Variants in SYNJ2 observed in about 807,000 individuals in gnomAD.
SYNJ2 encodes polyphosphatidylinositol phosphatase SYNJ2.
SYNJ2 carries 116 observed loss-of-function variants against 141.3 expected under a neutral mutation model. That is an observed-to-expected ratio of 0.82 (90% CI 0.71 to 0.96). The LOEUF is 0.96. Ranked by LOEUF, SYNJ2 falls within the 40% of genes least tolerant of loss-of-function variation. SYNJ2 has a pLI of 0.00. For missense variants in SYNJ2, 1,873 were observed against 1,934.8 expected, an observed-to-expected ratio of 0.97 and a Z score of 0.60; for synonymous variants, 745 against 777.7, an observed-to-expected ratio of 0.96 and a Z score of 0.70.
At position 158,074,758 on chromosome 6, in the gene SYNJ2, C is replaced by T. The variant is rs775644283; in HGVS notation, c.2292+20C>T. The T allele has an allele frequency of 1.9e-6, 3 of 1,609,516 alleles. No individual in the cohort carries two copies. The highest frequency in any genetic ancestry group is 2.2e-5 in the East Asian group (1 of 44,834). Reference sequence around the variant, plus strand: ...GGAAAAGTAAGTTGTGCTTTAAAAACATTTTTTAGCAGCTGCTCCAAGATG... The same window carrying T: ...GGAAAAGTAAGTTGTGCTTTAAAAATATTTTTTAGCAGCTGCTCCAAGATG... On this transcript the variant is annotated intron_variant, in intron 16 of 26. Coordinates refer to ENST00000355585, the MANE Select transcript of SYNJ2 (RefSeq NM_003898.4).
chr6:158,077,286 G>A (rs938020231), intron 17 of SYNJ2, among the ~76,000 whole-genome samples: 19 of 152,282 alleles, frequency 1.2e-4, no homozygotes, highest in African/African-American at 3.4e-4. Flanking sequence ...AAGCCACTGC[G>A]CCTGGCCTCC....
At chr6:158,042,376 T>C (rs1317565343) in intron 4 of SYNJ2, among the ~76,000 whole-genome samples, 2 of 152,216 alleles carry the variant, frequency 1.3e-5, no homozygotes, top group Admixed American at 1.3e-4. Flanking sequence ...GCAGAATGAC[T>C]CATTCCTGTG....
chr6:158,023,957 C>G (rs1050065106), intron 2 of SYNJ2, among the ~76,000 whole-genome samples: 3 of 152,190 alleles, frequency 2.0e-5, no homozygotes, highest in Non-Finnish European at 4.4e-5. Context: ...TACAATGAAG[C>G]CCTTTCCATT....
chr6:158,058,001 A>G (rs1780973965), intron 6 of SYNJ2, among the ~76,000 whole-genome samples: 1 of 152,226 alleles, frequency 6.6e-6, no homozygotes, highest in Non-Finnish European at 1.5e-5. Context: ...TTCAAAATCC[A>G]TAGTCTTTCT....
intron 25 of SYNJ2, among the ~76,000 whole-genome samples, chr6:158,091,751 T>TAAAAAAA (rs35408343): frequency 9.9e-6 from 1 of 101,036 alleles, no homozygotes. Context: ...CTCTGTCTCA[T>TAAAAAAA]AAAAAAAAAA....
Position 158,033,563 on chromosome 6 carries a change from C to T in SYNJ2, c.594C>T (p.His198=). The T allele has an allele frequency of 6.2e-7, 1 of 1,614,176 alleles. No homozygotes were observed. The highest frequency in any genetic ancestry group is 8.5e-7 in the Non-Finnish European group (1 of 1,180,054). The change falls in exon 4 of 27, where the codon CAC becomes CAT. Residue 198 remains histidine (H), a synonymous_variant. Transcript: ENST00000355585. ...CCATCCGCACCGTGTATGCCTCCCA[C>T]AAGCAGGCCAAGGCCTGCCTCGTCT... ...VVTIRTVYAS[H]KQAKACLVSR...
At chr6:158,093,450 CA>C (rs397886739) in intron 26 of SYNJ2, among the ~76,000 whole-genome samples, 16 of 88,042 alleles carry the variant, frequency 1.8e-4, no homozygotes, top group South Asian at 7.6e-4. Context: ...AAAAAAAAAA[CA>C]AAAAAAAAAA....
chr6:158,080,683 G>T (rs1391392017), intron 18 of SYNJ2, among the ~76,000 whole-genome samples: 1 of 152,124 alleles, frequency 6.6e-6, no homozygotes, highest in African/African-American at 2.4e-5. Context: ...CCTCTGAAAA[G>T]CTTGCACCCC....
chr6:158,087,861 G>GCAGCAA (rs1783159835), intron 23 of SYNJ2, among the ~76,000 whole-genome samples: 1 of 145,044 alleles, frequency 6.9e-6, no homozygotes, highest in Non-Finnish European at 1.5e-5. Context: ...TCATGTATCT[G>GCAGCAA]CAGCAACATA....
In SYNJ2 at chr6:158,054,999, C is replaced by T. The variant is rs1207073101; in HGVS notation, c.828C>T (p.Gly276=). The change falls in exon 6 of 27, where the codon GGC becomes GGT. Residue 276 remains glycine, a synonymous_variant. Coordinates refer to ENST00000355585, the MANE Select transcript of SYNJ2 (RefSeq NM_003898.4). The stretch of plus-strand genomic sequence containing the variant: ...CCCATCATCTGAGACTCCACAGAGG[C>T]CTGGAAGCCAATGCCCCTGCTTTCG... The part of the protein sequence containing the change: ...VGSHHLRLHR[G]LEANAPAFDR... The T allele has an allele frequency of 6.2e-7, 1 of 1,613,928 alleles. No individual in the cohort carries two copies. Among genetic ancestry groups the T allele is most frequent in the African/African-American group, 1.3e-5 (1 of 74,938 alleles).
chr6:158,017,387 C>G (rs1186395871), intron 2 of SYNJ2, 97 bp downstream of exon 2: 2 of 1,282,798 alleles, frequency 1.6e-6, no homozygotes, highest in Non-Finnish European at 2.1e-6. Flanking sequence ...TCTGTTTGAC[C>G]GCTCTTCTCT....
intron 4 of SYNJ2, among the ~76,000 whole-genome samples, chr6:158,036,154 ATAT>A (rs1779625972): frequency 6.6e-6 from 1 of 152,346 alleles, no homozygotes; most frequent in African/African-American, 2.4e-5. Context: ...ACTTGCGTGA[ATAT>A]TATTTGACTT....
intron 2 of SYNJ2, chr6:158,026,803 T>C (rs909723640): frequency 4.1e-6 from 4 of 984,526 alleles, no homozygotes; most frequent in Admixed American, 6.1e-5. Context: ...TCTGCTGAAC[T>C]GTGCTTTTCC....
intron 4 of SYNJ2, among the ~76,000 whole-genome samples, chr6:158,039,709 C>CA (rs1318750691): frequency 1.3e-5 from 2 of 152,086 alleles, no homozygotes; most frequent in Non-Finnish European, 2.9e-5. Flanking sequence ...CCTCCCCCTC[C>CA]ACCTGACATC....
intron 1 of SYNJ2, among the ~76,000 whole-genome samples, chr6:157,986,396 C>T (rs757389989): frequency 5.2e-4 from 79 of 152,318 alleles, no homozygotes; most frequent in Admixed American, 1.2e-3. Context: ...TACAATGGCG[C>T]AATCTTGGCT....
rs548702476 is a variant in SYNJ2, at chr6:158,005,235, G to A, written c.128-11969G>A. On this transcript the variant is annotated intron_variant, in intron 1 of 26. Transcript: ENST00000355585. ...TGGGACTACAGGTGCCCGCAACGAC[G>A]CCCGGCTAATTTTTTGTATTTTTAA... Among the ~76,000 whole-genome samples the A allele has an allele frequency of 4.8e-4, 73 of 152,070 alleles. 1 individual carries two copies. The highest frequency in any genetic ancestry group is 4.2e-4 in the South Asian group (2 of 4,800).
rs1171037781 is a variant in SYNJ2, at chr6:158,043,168, G to A, written c.712-148G>A. The A allele has an allele frequency of 1.9e-5, 12 of 641,320 alleles. No homozygotes were observed. The highest frequency in any genetic ancestry group is 1.8e-4 in the Admixed American group (7 of 38,776). The allele number at this position is 641,320 out of a possible 1,614,324, so 39.7% of individuals were successfully genotyped here. A position where few individuals can be genotyped will look rare whatever the true frequency, so the allele number is the denominator to read the frequency against. ...TGGCGAGAGGTCAGGGCGCATTGCCGGATGGGGGAGCAGAGGACGCCGGAG... is the reference window on the plus strand; with the variant it reads ...TGGCGAGAGGTCAGGGCGCATTGCCAGATGGGGGAGCAGAGGACGCCGGAG... On this transcript the variant is annotated intron_variant, in intron 4 of 26. Coordinates refer to ENST00000355585, the MANE Select transcript of SYNJ2 (RefSeq NM_003898.4). This position sits in a 1 kb window ranked among gnomAD's most constrained non-coding sequence, Gnocchi z 4.0.
intron 2 of SYNJ2, among the ~76,000 whole-genome samples, chr6:158,024,470 G>T (rs1778932904): frequency 2.6e-5 from 4 of 152,140 alleles, no homozygotes; most frequent in Admixed American, 2.6e-4. Context: ...ATCGCCTTGG[G>T]TGTTCATACT....
intron 2 of SYNJ2, among the ~76,000 whole-genome samples, chr6:158,024,481 T>A (rs1429466970): frequency 6.6e-6 from 1 of 152,126 alleles, no homozygotes; most frequent in Non-Finnish European, 1.5e-5. Context: ...TGTTCATACT[T>A]CAGCATATTA....
Sources: gnomAD v4.1 joint callset for allele counts (sites outside exome capture counted in the v4.1 genomes callset) on GRCh38, gnomAD v4.1.1 for gene constraint, Gnocchi (gnomAD v3.1) non-coding constraint, MANE v1.5 for transcripts, NCBI Gene and HGNC (gene_info 2026-07-23, HGNC 2026-07-21) for gene names.